The following LURAP1L variants were observed in gnomAD, a reference collection of about 807,000 sequenced individuals.
The protein encoded by LURAP1L is leucine rich adaptor protein 1 like.
LURAP1L carries 12 observed loss-of-function variants against 13.8 expected under a neutral mutation model. The ratio of observed to expected loss-of-function variants is 0.87; its 90% CI spans 0.56 to 1.41. The LOEUF is 1.41. LURAP1L is among the 40% of genes most tolerant of loss of function. LURAP1L has a pLI of 0.00. For missense variants in LURAP1L, 375 were observed against 292.9 expected, an observed-to-expected ratio of 1.28 and a Z score of -2.04; for synonymous variants, 139 against 119.2, an observed-to-expected ratio of 1.17 and a Z score of -1.08.
At chr9:12,785,211 T>G (rs778553498) in intron 1 of LURAP1L, among the ~76,000 whole-genome samples, 1 of 152,088 alleles carries the variant, frequency 6.6e-6, no homozygotes, top group Non-Finnish European at 1.5e-5. Flanking sequence ...GGTGTTTTAT[T>G]TTACTATGGC....
intron 1 of LURAP1L, among the ~76,000 whole-genome samples, chr9:12,800,157 T>C (rs1819564647): frequency 6.6e-6 from 1 of 152,204 alleles, no homozygotes; most frequent in African/African-American, 2.4e-5. Context: ...GCTGCAACTT[T>C]GTACCCTTTG....
At chr9:12,784,820 G>A (rs1383738642) in intron 1 of LURAP1L, among the ~76,000 whole-genome samples, 1 of 147,994 alleles carries the variant, frequency 6.8e-6, no homozygotes, top group Non-Finnish European at 1.5e-5. Context: ...TAGAAATGCT[G>A]TCTGGGAGGG....
At chr9:12,779,502 C>G (rs2118457004) in intron 1 of LURAP1L, among the ~76,000 whole-genome samples, 1 of 152,200 alleles carries the variant, frequency 6.6e-6, no homozygotes, top group South Asian at 2.1e-4. Flanking sequence ...TCTCTATCTC[C>G]TGACCTCGTG....
chr9:12,796,032 T>C (rs1819507547), intron 1 of LURAP1L, among the ~76,000 whole-genome samples: 1 of 152,088 alleles, frequency 6.6e-6, no homozygotes, highest in Non-Finnish European at 1.5e-5. Flanking sequence ...ATTACACAGA[T>C]TTTTATGGTT....
In LURAP1L at chr9:12,785,542, T is replaced by C. The variant is rs185435116; in HGVS notation, c.312+9515T>C. ...GCTAGTCAGAACTCAAATTCTGACTTCTGGCATAGAAAATTCCCCTCTAGC... is the reference window on the plus strand; with the variant it reads ...GCTAGTCAGAACTCAAATTCTGACTCCTGGCATAGAAAATTCCCCTCTAGC... On this transcript the variant is annotated intron_variant, in intron 1 of 1. Coordinates refer to ENST00000319264, the MANE Select transcript of LURAP1L (RefSeq NM_203403.2). Among the ~76,000 whole-genome samples the C allele has an allele frequency of 5.9e-5, 9 of 152,322 alleles. 1 individual carries two copies. In the East Asian group the frequency reaches 1.6e-3, roughly 26 times the overall value.
chr9:12,791,347 T>C (rs1360751993), intron 1 of LURAP1L, among the ~76,000 whole-genome samples: 1 of 152,096 alleles, frequency 6.6e-6, no homozygotes, highest in Non-Finnish European at 1.5e-5. Flanking sequence ...CCCCCTAAAA[T>C]TTTTTGTCTC....
intron 1 of LURAP1L, among the ~76,000 whole-genome samples, chr9:12,782,221 G>A (rs549251946): frequency 1.3e-5 from 2 of 152,144 alleles, no homozygotes; most frequent in African/African-American, 4.8e-5. Context: ...TCTCCACTTT[G>A]TTGGTTGTTT....
At chr9:12,779,537 T>G (rs1819240740) in intron 1 of LURAP1L, among the ~76,000 whole-genome samples, 1 of 152,188 alleles carries the variant, frequency 6.6e-6, no homozygotes, top group Admixed American at 6.5e-5. Context: ...CTCAAAGTGC[T>G]GGGATTACAG....
intron 1 of LURAP1L, among the ~76,000 whole-genome samples, chr9:12,814,860 C>T (rs1819783319): frequency 6.6e-6 from 1 of 152,168 alleles, no homozygotes; most frequent in Admixed American, 6.5e-5. Flanking sequence ...ATATAAACAA[C>T]AAAAATGGAG....
intron 1 of LURAP1L, among the ~76,000 whole-genome samples, chr9:12,800,857 G>A (rs115402882): frequency 0.013 from 1,914 of 152,172 alleles, 36 homozygotes; most frequent in African/African-American, 0.044. Context: ...TTTCTTTATA[G>A]TAATGTGAGA....
At chr9:12,778,077 G>C (rs1290062864) in intron 1 of LURAP1L, among the ~76,000 whole-genome samples, 1 of 152,096 alleles carries the variant, frequency 6.6e-6, no homozygotes, top group East Asian at 1.9e-4. Context: ...CTGATAATTT[G>C]TCGCATTTGT....
chr9:12,778,288 C>G (rs1403179875), intron 1 of LURAP1L, among the ~76,000 whole-genome samples: 1 of 152,096 alleles, frequency 6.6e-6, no homozygotes, highest in Non-Finnish European at 1.5e-5. Flanking sequence ...AAAGGCTTGT[C>G]CCGCTCTCTG....
chr9:12,801,700 A>G (rs1374351086), intron 1 of LURAP1L, among the ~76,000 whole-genome samples: 1 of 152,194 alleles, frequency 6.6e-6, no homozygotes, highest in African/African-American at 2.4e-5. Context: ...TTTTATATTC[A>G]TTCTTTTTAA....
rs199615843 is a variant in LURAP1L, at chr9:12,821,529, G to A, written c.456G>A (p.Leu152=). The A allele has an allele frequency of 3.2e-5, 52 of 1,614,050 alleles. No homozygotes were observed. Among genetic ancestry groups the A allele is most frequent in the Non-Finnish European group, 4.2e-5 (50 of 1,180,048 alleles). ...GSSLSGSLCS[L]LESQSTSLRG... is the part of the protein sequence containing the mutation. ...GCCTCAGTGGCAGCCTGTGCAGTTT[G>A]TTGGAGAGTCAGAGCACCTCCTTAC... The change falls in exon 2 of 2, where the codon TTG becomes TTA. Residue 152 remains leucine, a synonymous_variant. Coordinates refer to ENST00000319264, the MANE Select transcript of LURAP1L (RefSeq NM_203403.2).
At chr9:12,780,235 A>G (rs1236291394) in intron 1 of LURAP1L, among the ~76,000 whole-genome samples, 1 of 152,214 alleles carries the variant, frequency 6.6e-6, no homozygotes, top group Non-Finnish European at 1.5e-5. Context: ...TGTTTTTCCA[A>G]CAGGAACTCA....
Position 12,821,852 on chromosome 9 carries a change from A to T in LURAP1L, c.*92A>T. Reference sequence around the variant, plus strand: ...TTTTTGGTGTGATTTTTATTTTAATAAGATGACCTTTTTAAAAGAAGCTGA... The same window carrying T: ...TTTTTGGTGTGATTTTTATTTTAATTAGATGACCTTTTTAAAAGAAGCTGA... On this transcript the variant is annotated 3_prime_UTR_variant, in exon 2 of 2. Coordinates refer to ENST00000319264, the MANE Select transcript of LURAP1L (RefSeq NM_203403.2). The T allele has an allele frequency of 6.9e-7, 1 of 1,448,876 alleles. No individual in the cohort carries two copies. Among genetic ancestry groups the T allele is most frequent in the East Asian group, 2.3e-5 (1 of 43,706 alleles). The allele number at this position is 1,448,876 out of a possible 1,614,324, so 89.8% of individuals were successfully genotyped here. A position where few individuals can be genotyped will look rare whatever the true frequency, so the allele number is the denominator to read the frequency against.
intron 1 of LURAP1L, among the ~76,000 whole-genome samples, chr9:12,811,942 A>T (rs1819742356): frequency 6.6e-6 from 1 of 152,150 alleles, no homozygotes; most frequent in Admixed American, 6.5e-5. Flanking sequence ...CAGCTCAATC[A>T]CATGGCCAGT....
At chr9:12,786,507 CT>C (rs1281886002) in intron 1 of LURAP1L, among the ~76,000 whole-genome samples, 6 of 126,892 alleles carry the variant, frequency 4.7e-5, no homozygotes, top group Admixed American at 1.8e-4. Context: ...TTAATGAACC[CT>C]CTAAAATTAG....
At chr9:12,777,416 G>T in intron 1 of LURAP1L, 2 of 985,194 alleles carry the variant, frequency 2.0e-6, no homozygotes, top group Non-Finnish European at 2.4e-6. Context: ...TCTTGTACAA[G>T]GAATTAAGAA....
Sources: gnomAD v4.1 joint callset for allele counts (sites outside exome capture counted in the v4.1 genomes callset) on GRCh38, gnomAD v4.1.1 for gene constraint, MANE v1.5 for transcripts, NCBI Gene and HGNC (gene_info 2026-07-23, HGNC 2026-07-21) for gene names.